SLC30A7: variants seen among roughly 807,000 people sequenced by gnomAD.
The protein encoded by SLC30A7 is solute carrier family 30 member 7, also known as zinc transporter 7.
In SLC30A7, 35 loss-of-function variants were observed where a neutral mutation model predicts 46.0. The ratio of observed to expected loss-of-function variants is 0.76; its 90% CI spans 0.58 to 1.01. The LOEUF (loss-of-function observed/expected upper bound fraction) is 1.01. SLC30A7 is among the 50% of genes least tolerant of loss of function. The pLI, the probability that SLC30A7 is intolerant of heterozygous loss-of-function variation, is 0.00. For synonymous variants in SLC30A7, 147 were observed against 157.8 expected, an observed-to-expected ratio of 0.93 and a Z score of 0.51; for missense variants, 464 against 451.1, an observed-to-expected ratio of 1.03 and a Z score of -0.26.
At chr1:100,932,036 A>G (rs1309407783) in intron 8 of SLC30A7, among the ~76,000 whole-genome samples, 1 of 152,228 alleles carries the variant, frequency 6.6e-6, no homozygotes, top group Non-Finnish European at 1.5e-5. Flanking sequence ...TTATTGGAGT[A>G]TAAAAGCTAA....
intron 8 of SLC30A7, among the ~76,000 whole-genome samples, chr1:100,940,157 A>G (rs1654256384): frequency 6.6e-6 from 1 of 152,174 alleles, no homozygotes. Flanking sequence ...TGATAAAGAC[A>G]GCACCTCAAA....
At chr1:100,931,635 T>C (rs1255077856) in intron 8 of SLC30A7, among the ~76,000 whole-genome samples, 3 of 152,222 alleles carry the variant, frequency 2.0e-5, no homozygotes, top group Non-Finnish European at 4.4e-5. Flanking sequence ...AAAACCTAAC[T>C]GCTTTTTGCA....
the SLC30A7 span, among the ~76,000 whole-genome samples, chr1:100,994,272 C>T: frequency 1.2e-4 from 18 of 151,930 alleles, no homozygotes; most frequent in African/African-American, 4.4e-4. Flanking sequence ...AAAGCTGTTC[C>T]AAACATACTT....
chr1:100,909,138 A>C (rs1651913132), intron 3 of SLC30A7, among the ~76,000 whole-genome samples: 1 of 152,086 alleles, frequency 6.6e-6, no homozygotes, highest in African/African-American at 2.4e-5. Flanking sequence ...TAATTGGTAT[A>C]GTAATAAGTA....
At chr1:100,952,131 C>A (rs138288233) in intron 8 of SLC30A7, among the ~76,000 whole-genome samples, 1,933 of 152,224 alleles carry the variant, frequency 0.013, 21 homozygotes, top group Middle Eastern at 0.037. Flanking sequence ...TTGATTTTAG[C>A]CCAATGGAAC....
intron 8 of SLC30A7, among the ~76,000 whole-genome samples, chr1:100,942,479 A>G (rs1330853052): frequency 2.0e-5 from 3 of 152,206 alleles, no homozygotes; most frequent in Admixed American, 1.3e-4. Context: ...CCCAGCAACA[A>G]TCAACACAGT....
chr1:100,946,461 A>G (rs1036678246), intron 8 of SLC30A7, among the ~76,000 whole-genome samples: 1 of 152,160 alleles, frequency 6.6e-6, no homozygotes, highest in African/African-American at 2.4e-5. Flanking sequence ...GATAGATTCC[A>G]TCAATCCCTA....
intron 8 of SLC30A7, among the ~76,000 whole-genome samples, chr1:100,931,730 A>G (rs945281581): frequency 3.3e-5 from 5 of 152,232 alleles, no homozygotes; most frequent in African/African-American, 1.2e-4. Flanking sequence ...TTAGGAGTCT[A>G]TTTGTAAACT....
intron 8 of SLC30A7, among the ~76,000 whole-genome samples, chr1:100,925,980 C>G (rs1419408999): frequency 6.6e-6 from 1 of 152,142 alleles, no homozygotes; most frequent in Non-Finnish European, 1.5e-5. Context: ...AGATATCCCT[C>G]AGTATGGTAC....
intron 8 of SLC30A7, among the ~76,000 whole-genome samples, chr1:100,956,204 A>T (rs980155067): frequency 1.3e-5 from 2 of 152,114 alleles, no homozygotes; most frequent in East Asian, 3.8e-4. Flanking sequence ...TTTTATTAAA[A>T]TGTTTATCTA....
rs1355891733 is a variant in SLC30A7, at chr1:100,923,105, C to A, written c.842+1264C>A. ...ATCTCGGCTCACTGCAGGCTCCGCCCCCTGGGGTTCACGCCATTCTCCTGC... is the reference window on the plus strand; with the variant it reads ...ATCTCGGCTCACTGCAGGCTCCGCCACCTGGGGTTCACGCCATTCTCCTGC... On this transcript the variant is annotated intron_variant, in intron 8 of 10. Coordinates refer to ENST00000357650, the MANE Select transcript of SLC30A7 (RefSeq NM_133496.5). Among the ~76,000 whole-genome samples the A allele has an allele frequency of 5.6e-5, 6 of 106,896 alleles. 1 individual carries two copies. The highest frequency in any genetic ancestry group is 1.0e-4 in the Non-Finnish European group (5 of 48,038). 70.1% of individuals were successfully genotyped at this position (106,896 alleles called of 152,430 possible). A position where few individuals can be genotyped will look rare whatever the true frequency, so the allele number is the denominator to read the frequency against.
At chr1:100,917,260 C>G (rs1293640480) in intron 6 of SLC30A7, among the ~76,000 whole-genome samples, 1 of 152,188 alleles carries the variant, frequency 6.6e-6, no homozygotes, top group Non-Finnish European at 1.5e-5. Context: ...CATTCCCATA[C>G]AGCAGTACAA....
chr1:100,903,229 G>A (rs866794238), intron 2 of SLC30A7, among the ~76,000 whole-genome samples: 54 of 151,912 alleles, frequency 3.6e-4, no homozygotes, highest in African/African-American at 1.3e-3. Flanking sequence ...TAGAAAGACA[G>A]TTTTCTGAAA....
At chr1:100,954,195 C>T (rs1194730340) in intron 8 of SLC30A7, among the ~76,000 whole-genome samples, 2 of 152,140 alleles carry the variant, frequency 1.3e-5, no homozygotes, top group East Asian at 3.8e-4. Flanking sequence ...TCTCTTCACT[C>T]TAGAGAACAT....
the SLC30A7 span, among the ~76,000 whole-genome samples, chr1:100,987,887 T>G: frequency 6.6e-6 from 1 of 152,224 alleles, no homozygotes; most frequent in South Asian, 2.1e-4. Context: ...AGCATAAATC[T>G]TTAGTCTTGT....
intron 3 of SLC30A7, among the ~76,000 whole-genome samples, chr1:100,909,072 T>C (rs1436002409): frequency 1.3e-5 from 2 of 151,724 alleles, no homozygotes; most frequent in East Asian, 3.9e-4. Flanking sequence ...TGTGTGTGTG[T>C]TTTCTTTTGG....
chr1:100,931,986 G>A (rs910789775), intron 8 of SLC30A7, among the ~76,000 whole-genome samples: 1 of 152,112 alleles, frequency 6.6e-6, no homozygotes, highest in Non-Finnish European at 1.5e-5. Context: ...TATTTGAACT[G>A]TAGTTTTTCT....
chr1:100,903,813 G>A (rs767123297), intron 2 of SLC30A7, among the ~76,000 whole-genome samples: 1 of 152,022 alleles, frequency 6.6e-6, no homozygotes, highest in Non-Finnish European at 1.5e-5. Flanking sequence ...TTAAAACCAT[G>A]CTTTTTCTGT....
At chr1:100,932,385 A>T (rs1653714397) in intron 8 of SLC30A7, among the ~76,000 whole-genome samples, 1 of 152,166 alleles carries the variant, frequency 6.6e-6, no homozygotes, top group Admixed American at 6.5e-5. Context: ...ACTGCACTTC[A>T]GCCTGCGTGA....
Sources: allele counts gnomAD v4.1 joint callset (sites outside exome capture counted in the v4.1 genomes callset), GRCh38; gene constraint gnomAD v4.1.1; transcripts MANE v1.5; gene names NCBI Gene and HGNC (gene_info 2026-07-23, HGNC 2026-07-21).